The following UNC13C variants were observed in gnomAD, a reference collection of about 807,000 sequenced individuals.
UNC13C encodes the protein protein unc-13 homolog C.
Under a neutral mutation model 245.4 loss-of-function variants are expected in UNC13C, and 174 were observed. The observed-to-expected ratio is 0.71, with a 90% CI of 0.63 to 0.80. UNC13C has a LOEUF of 0.80. UNC13C is among the 30% of genes least tolerant of loss of function. The probability of loss-of-function intolerance (pLI) is 0.00; values close to 1 mark genes in which losing one functional copy is unlikely to be tolerated. For missense variants in UNC13C, 2,829 were observed against 2,602.9 expected (o/e 1.09, Z -1.89); for synonymous variants, 992 against 895.1 (o/e 1.11, Z -1.93).
intron 4 of UNC13C, among the ~76,000 whole-genome samples, chr15:54,168,699 G>A (rs770676611): frequency 2.6e-5 from 4 of 152,070 alleles, no homozygotes; most frequent in Non-Finnish European, 5.9e-5. Flanking sequence ...ATTCAACAGC[G>A]GTGTGAGGGT....
the UNC13C span, among the ~76,000 whole-genome samples, chr15:53,877,772 T>C: frequency 1.3e-5 from 2 of 152,200 alleles, no homozygotes; most frequent in Admixed American, 6.5e-5. Flanking sequence ...CAATACCTAA[T>C]AAAGACATAG....
At chr15:54,003,977 C>G (rs1318081695) in intron 1 of UNC13C, among the ~76,000 whole-genome samples, 1 of 152,168 alleles carries the variant, frequency 6.6e-6, no homozygotes, top group Non-Finnish European at 1.5e-5. Context: ...TGCCACAGCA[C>G]TCCAGCCTGG....
At chr15:54,527,755 A>G (rs1377359920) in intron 25 of UNC13C, among the ~76,000 whole-genome samples, 2 of 152,162 alleles carry the variant, frequency 1.3e-5, no homozygotes, top group East Asian at 3.8e-4. Context: ...TAAATATAGG[A>G]AAGAATTTAG....
intron 2 of UNC13C, among the ~76,000 whole-genome samples, chr15:54,016,902 A>G (rs1895684921): frequency 6.6e-6 from 1 of 152,234 alleles, no homozygotes; most frequent in Non-Finnish European, 1.5e-5. Context: ...AAAGGTGTAT[A>G]TGACCAAGTG....
chr15:54,042,280 T>C lies in UNC13C; in HGVS notation c.2983+26394T>C, dbSNP rs74942005. Among the ~76,000 whole-genome samples, 113 of 152,234 alleles carry C rather than the reference T, an allele frequency of 7.4e-4. 1 individual carries two copies. The East Asian group carries it at 0.021, about 28-fold the overall frequency. ...ACATAAAGCATGAAATGAAAATACA[T>C]AGGGATTTATCACTGATGAATTTTG... On this transcript the variant is annotated intron_variant, in intron 2 of 32. Coordinates refer to ENST00000260323, the MANE Select transcript of UNC13C (RefSeq NM_001080534.3).
upstream of UNC13C, among the ~76,000 whole-genome samples, chr15:53,973,907 A>G (rs994598158): frequency 2.0e-5 from 3 of 152,166 alleles, no homozygotes; most frequent in African/African-American, 2.4e-5. Flanking sequence ...TTTTCAAAAA[A>G]TTACAGATTG....
At position 54,289,014 on chromosome 15, in the gene UNC13C, A is replaced by G. The variant is rs559668161; in HGVS notation, c.3819-4881A>G. Among the ~76,000 whole-genome samples, 7 of 152,248 alleles carry G rather than the reference A, an allele frequency of 4.6e-5. No individual in the cohort carries two copies. In the South Asian group the frequency reaches 1.4e-3, roughly 32 times the overall value. ...ACCTCTTAAAGGATGGTGCTGGAAA[A>G]GCCCTAGGGCAACAATTTTATCTAT... is the stretch of plus-strand genomic sequence containing the variant. On this transcript the variant is annotated intron_variant, in intron 10 of 32. Coordinates refer to ENST00000260323, the MANE Select transcript of UNC13C (RefSeq NM_001080534.3).
chr15:53,931,428 C>A, the UNC13C span, among the ~76,000 whole-genome samples: 4 of 152,164 alleles, frequency 2.6e-5, no homozygotes, highest in South Asian at 8.3e-4. Context: ...CTCGACTTCC[C>A]AGAGTGCTGG....
intron 1 of UNC13C, among the ~76,000 whole-genome samples, chr15:53,996,532 A>G (rs1301991116): frequency 6.6e-6 from 1 of 152,186 alleles, no homozygotes; most frequent in Non-Finnish European, 1.5e-5. Context: ...TAAGCTTACA[A>G]TTAAAAGAAT....
At chr15:53,948,105 C>T in the UNC13C span, 1 of 152,016 alleles carries the variant, frequency 6.6e-6, no homozygotes, top group South Asian at 2.1e-4. Flanking sequence ...AAGCCAAAAC[C>T]AAAATCTTGA....
At chr15:54,614,788 C>A (rs771538385) in intron 30 of UNC13C, among the ~76,000 whole-genome samples, 1 of 151,968 alleles carries the variant, frequency 6.6e-6, no homozygotes, top group African/African-American at 2.4e-5. Flanking sequence ...GTAAACATTT[C>A]ATCCAGATAT....
intron 26 of UNC13C, 113 bp from the exon 27 acceptor site, chr15:54,546,609 A>G: frequency 1.8e-6 from 1 of 560,680 alleles, no homozygotes; most frequent in Non-Finnish European, 2.8e-6. Flanking sequence ...GAGATTATAC[A>G]TTTTGTATAA....
chr15:54,368,821 C>T (rs1041634544), intron 17 of UNC13C, among the ~76,000 whole-genome samples: 2 of 152,028 alleles, frequency 1.3e-5, no homozygotes, highest in Non-Finnish European at 2.9e-5. Context: ...ATCATGACTA[C>T]GAAACTCTTG....
At chr15:54,631,955 C>G (rs562449445), downstream of UNC13C, 5 of 152,276 alleles carry the variant, frequency 3.3e-5, no homozygotes, top group Admixed American at 2.6e-4. Context: ...TTTCCAGAAG[C>G]AATGTATGAG....
At chr15:54,155,463 C>T (rs1051910722) in intron 4 of UNC13C, among the ~76,000 whole-genome samples, 2 of 151,964 alleles carry the variant, frequency 1.3e-5, no homozygotes, top group Non-Finnish European at 2.9e-5. Flanking sequence ...ATAAGAGGAG[C>T]GAGTGACTGA....
At position 54,013,922 on chromosome 15, in the gene UNC13C, A is replaced by G; in HGVS notation, c.1019A>G (p.Gln340Arg). Residue 340 changes from glutamine (Q) to arginine (R), a missense_variant, in exon 2 of 33, where the codon CAA (glutamine) becomes CGA (arginine). Gln to Arg is a conservative substitution (Grantham distance 43). Transcript: ENST00000260323. The part of the protein sequence containing the change: ...RFEYVESVVY[Q>R]ILIDKMGFSD... The stretch of plus-strand genomic sequence containing the variant: ...GAATATGTTGAAAGCGTGGTGTACC[A>G]AATTCTAATAGATAAAATGGGTTTT... 6.2e-7 allele frequency: 1 copy of G among 1,613,200 alleles called. No homozygotes were observed. Among genetic ancestry groups the G allele is most frequent in the East Asian group, 2.2e-5 (1 of 44,874 alleles).
chr15:54,040,707 A>T (rs1896773902), intron 2 of UNC13C, among the ~76,000 whole-genome samples: 1 of 152,162 alleles, frequency 6.6e-6, no homozygotes. Flanking sequence ...GAAGTGAGTC[A>T]CAGGTGTTTG....
At chr15:53,987,125 T>C (rs1416084942) in intron 1 of UNC13C, among the ~76,000 whole-genome samples, 2 of 152,068 alleles carry the variant, frequency 1.3e-5, no homozygotes. Context: ...GTATAAAATA[T>C]TAAACTATGT....
At chr15:53,867,231 C>T in the UNC13C span, among the ~76,000 whole-genome samples, 18 of 152,068 alleles carry the variant, frequency 1.2e-4, no homozygotes, top group Admixed American at 6.5e-5. Context: ...TACTGGAGGT[C>T]AAGGAATACA....
Sources: gnomAD v4.1 joint callset for allele counts (sites outside exome capture counted in the v4.1 genomes callset) on GRCh38, gnomAD v4.1.1 for gene constraint, MANE v1.5 for transcripts, NCBI Gene and HGNC (gene_info 2026-07-23, HGNC 2026-07-21) for gene names.